RSPH10B: variants seen among roughly 807,000 people sequenced by gnomAD.
RSPH10B encodes the protein radial spoke head 10 homolog B (Chlamydomonas).
A neutral mutation model predicts 52.5 loss-of-function variants in RSPH10B; 7 were observed. The ratio of observed to expected loss-of-function variants is 0.13; its 90% CI spans 0.08 to 0.25. The LOEUF (loss-of-function observed/expected upper bound fraction) is 0.25, where lower values mean the gene tolerates loss of function less well. Among genes scored for constraint, RSPH10B ranks in the 10% least tolerant of loss-of-function variants. The pLI is 1.00. For synonymous variants in RSPH10B, 28 were observed against 193.2 expected (o/e 0.14, Z 7.09); for missense variants, 89 against 542.5 (o/e 0.16, Z 8.30).
chr7:5,929,610 C>T (rs1209512052), intron 17 of RSPH10B, among the ~76,000 whole-genome samples: 1 of 6,962 alleles, frequency 1.4e-4, no homozygotes, highest in African/African-American at 7.7e-4. Flanking sequence ...AAGTAATTTC[C>T]TAGTAGTTAT....
Position 5,957,912 on chromosome 7 carries a change from TG to T in RSPH10B, c.774del (p.Ile259SerfsTer12), listed in dbSNP as rs1780784104. 1 of 1,319,040 alleles carries T rather than the reference TG, an allele frequency of 7.6e-7. No homozygotes were observed. The highest frequency in any genetic ancestry group is 9.9e-7 in the Non-Finnish European group (1 of 1,008,092). The allele number at this position is 1,319,040 out of a possible 1,614,324, so 81.7% of individuals were successfully genotyped here. A position where few individuals can be genotyped will look rare whatever the true frequency, so the allele number is the denominator to read the frequency against. On this transcript the variant is annotated frameshift_variant, in exon 6 of 19. Coordinates refer to ENST00000337579, the Ensembl canonical transcript of RSPH10B. LOFTEE classifies it high-confidence loss of function. ...GCTACCCCGCCCGGGCGTACCTGGA[TG>T]CCCCTCTCCCACCGCCCGGTGTACT...
At chr7:5,954,079 G>A (rs1361122292) in intron 7 of RSPH10B, among the ~76,000 whole-genome samples, 1 of 97,114 alleles carries the variant, frequency 1.0e-5, no homozygotes, top group East Asian at 3.6e-4. Flanking sequence ...TCCTGACCTC[G>A]TGATCCATCC....
chr7:5,937,086 CA>C (rs1246119855), intron 15 of RSPH10B, among the ~76,000 whole-genome samples: 3 of 25,102 alleles, frequency 1.2e-4, no homozygotes, highest in African/African-American at 1.1e-4. Flanking sequence ...AGCTCTGTCT[CA>C]AAAAAAAAAA....
At chr7:5,944,600 G>A (rs1356886420) in intron 11 of RSPH10B, among the ~76,000 whole-genome samples, 1 of 146,540 alleles carries the variant, frequency 6.8e-6, no homozygotes, top group East Asian at 2.0e-4. Flanking sequence ...GTATGTCATG[G>A]CTTTGTGGTT....
At chr7:5,957,823 A>G in intron 6 of RSPH10B, 84 bp downstream of exon 8, 1 of 1,477,446 alleles carries the variant, frequency 6.8e-7, no homozygotes, top group South Asian at 1.3e-5. Flanking sequence ...AAACAAAAAC[A>G]AAACCCAAAA....
At chr7:5,942,924 ATAT>A (rs1313310458) in intron 13 of RSPH10B, among the ~76,000 whole-genome samples, 8 of 118,256 alleles carry the variant, frequency 6.8e-5, no homozygotes, top group South Asian at 2.7e-4. Context: ...ATATATATAT[ATAT>A]TTTTTTTTAA....
In RSPH10B at chr7:5,960,442, A is replaced by C. The variant is rs1482658399; in HGVS notation, c.573+249T>G. ...AAAAAAAAAATTAATAAAATGGTTAATTTATGTGATGTGAATTTCGCCTCA... is the reference window on the plus strand; with the variant it reads ...AAAAAAAAAATTAATAAAATGGTTACTTTATGTGATGTGAATTTCGCCTCA... On this transcript the variant is annotated intron_variant, in intron 4 of 18. Transcript: ENST00000337579. Among the ~76,000 whole-genome samples the C allele has an allele frequency of 2.1e-3, 134 of 63,652 alleles. 8 individuals carry two copies. Among genetic ancestry groups the C allele is most frequent in the African/African-American group, 6.3e-3 (105 of 16,768 alleles). The allele number at this position is 63,652 out of a possible 152,430, so 41.8% of individuals were successfully genotyped here.
chr7:5,931,287 G>A (rs1348272301), intron 17 of RSPH10B, among the ~76,000 whole-genome samples: 3 of 150,508 alleles, frequency 2.0e-5, no homozygotes, highest in African/African-American at 7.3e-5. Context: ...CGATGGGAAT[G>A]ATCCACTGGA....
At position 5,927,058 on chromosome 7, in the gene RSPH10B, G is replaced by GTATATATA. The variant is rs1562553153; in HGVS notation, c.2433-511_2433-510insTATATATA. On this transcript the variant is annotated intron_variant, in intron 18 of 18. Coordinates refer to ENST00000337579, the Ensembl canonical transcript of RSPH10B. ...GTGTGTGTGTGTGTATTATGTGTGT[G>GTATATATA]TGTGTGTGTATATGTGTGTGTGTGT... Among the ~76,000 whole-genome samples the GTATATATA allele has an allele frequency of 1.9e-3, 161 of 82,744 alleles. 1 individual carries two copies. The highest frequency in any genetic ancestry group is 5.4e-3 in the African/African-American group (98 of 18,286). The allele number at this position is 82,744 out of a possible 152,430, so 54.3% of individuals were successfully genotyped here.
At chr7:5,942,274 G>A (rs1202754619) in intron 13 of RSPH10B, among the ~76,000 whole-genome samples, 1 of 137,640 alleles carries the variant, frequency 7.3e-6, no homozygotes, top group African/African-American at 2.7e-5. Context: ...TTTTTTGGGG[G>A]ATTTTTTTGG....
At chr7:5,957,728 G>A (rs1780773891) in intron 6 of RSPH10B, among the ~76,000 whole-genome samples, 179 bp downstream of exon 8, 1 of 126,628 alleles carries the variant, frequency 7.9e-6, no homozygotes, top group Non-Finnish European at 1.6e-5. Flanking sequence ...CCCGGGAGGT[G>A]GAGGCTGCAG....
chr7:5,947,891 T>TGA (rs1554288758), intron 10 of RSPH10B, among the ~76,000 whole-genome samples: 20 of 92,810 alleles, frequency 2.2e-4, no homozygotes, highest in African/African-American at 6.0e-4. Context: ...TGTGTGTGTG[T>TGA]GATGGAGTCT....
At chr7:5,941,563 T>A (rs567371875) in intron 13 of RSPH10B, among the ~76,000 whole-genome samples, 2 of 149,708 alleles carry the variant, frequency 1.3e-5, no homozygotes, top group African/African-American at 4.9e-5. Context: ...GCTAACATAG[T>A]GAAACCCTGT....
At chr7:5,929,076 A>G (rs1779683636) in intron 17 of RSPH10B, among the ~76,000 whole-genome samples, 1 of 146,660 alleles carries the variant, frequency 6.8e-6, no homozygotes, top group Non-Finnish European at 1.5e-5. Context: ...TGGCATGACC[A>G]TGGCTCACTG....
intron 18 of RSPH10B, among the ~76,000 whole-genome samples, chr7:5,927,043 GTGTATTATGTGTGTGTGTGTGTGTATA>G (rs1779482693): frequency 3.0e-5 from 1 of 33,808 alleles, no homozygotes; most frequent in African/African-American, 1.2e-4. Context: ...GTGTGTGTGT[GTGTATTATGTGTGTGTGTGTGTGTATA>G]TGTGTGTGTG....
chr7:5,928,927 C>T (rs1230733282), intron 17 of RSPH10B, among the ~76,000 whole-genome samples: 1 of 147,634 alleles, frequency 6.8e-6, no homozygotes, highest in African/African-American at 2.6e-5. Flanking sequence ...TGCCCAGCCA[C>T]CTCTTTTTTT....
rs748036363 is a variant in RSPH10B, at chr7:5,927,070, A to ATGTGTGTGTG, written c.2433-532_2433-523dup. The stretch of plus-strand genomic sequence containing the variant: ...GTATTATGTGTGTGTGTGTGTGTAT[A>ATGTGTGTGTG]TGTGTGTGTGTGTGTGTGTGTGTGT... On this transcript the variant is annotated intron_variant, in intron 18 of 18. Transcript: ENST00000337579. 1.4e-4 allele frequency among the ~76,000 whole-genome samples: 16 copies of ATGTGTGTGTG among 110,680 alleles called. No homozygotes were observed. In the South Asian group the frequency reaches 2.1e-3, roughly 15 times the overall value. The allele number at this position is 110,680 out of a possible 152,430, so 72.6% of individuals were successfully genotyped here.
chr7:5,927,045 GTATTATGTGTGTGTGTGTGTGTATA>G (rs1156977997), intron 18 of RSPH10B, among the ~76,000 whole-genome samples: 2 of 122,958 alleles, frequency 1.6e-5, no homozygotes, highest in African/African-American at 5.7e-5. Flanking sequence ...GTGTGTGTGT[GTATTATGTGTGTGTGTGTGTGTATA>G]TGTGTGTGTG....
chr7:5,944,818 C>T lies in RSPH10B; in HGVS notation c.1529+246G>A, dbSNP rs1317875057. On this transcript the variant is annotated intron_variant, in intron 11 of 18. Coordinates refer to ENST00000337579, the Ensembl canonical transcript of RSPH10B. ...TACTAAAAATACAAAAAAAAATTAG[C>T]CAGGCATGGTGGCACATGCCTGTCA... Among the ~76,000 whole-genome samples the T allele has an allele frequency of 1.4e-5, 2 of 146,346 alleles. 1 individual carries two copies. The highest frequency in any genetic ancestry group is 5.3e-5 in the African/African-American group (2 of 37,948).
Sources: gnomAD v4.1 joint callset for allele counts (sites outside exome capture counted in the v4.1 genomes callset) on GRCh38, gnomAD v4.1.1 for gene constraint, MANE v1.5 for transcripts, NCBI Gene and HGNC (gene_info 2026-07-23, HGNC 2026-07-21) for gene names.